LAMA2: variants seen among roughly 807,000 people sequenced by gnomAD.
LAMA2 encodes laminin subunit alpha-2.
Under a neutral mutation model 364.8 loss-of-function variants are expected in LAMA2, and 269 were observed. The observed-to-expected ratio is 0.74, with a 90% confidence interval of 0.67 to 0.82. LAMA2 has a LOEUF of 0.82. Among genes scored for constraint, LAMA2 ranks in the 40% least tolerant of loss-of-function variants. The pLI is 0.00. For synonymous variants in LAMA2, 1,379 were observed against 1,370.6 expected, an observed-to-expected ratio of 1.01 and a Z score of -0.14; for missense variants, 3,807 against 3,873.2, an observed-to-expected ratio of 0.98 and a Z score of 0.45.
intron 3 of LAMA2, among the ~76,000 whole-genome samples, chr6:129,068,033 A>C (rs1478565777): frequency 6.6e-6 from 1 of 152,080 alleles, no homozygotes; most frequent in Non-Finnish European, 1.5e-5. Context: ...TCTAAATGCA[A>C]TTTTTTTGTG....
chr6:129,372,108 A>G (rs1361978867), intron 34 of LAMA2, among the ~76,000 whole-genome samples: 1 of 152,152 alleles, frequency 6.6e-6, no homozygotes, highest in African/African-American at 2.4e-5. Flanking sequence ...CCCCACCAGA[A>G]TGGTACATTT....
chr6:129,261,824 A>C (rs1319890135), intron 15 of LAMA2, among the ~76,000 whole-genome samples: 2 of 152,160 alleles, frequency 1.3e-5, no homozygotes, highest in Non-Finnish European at 2.9e-5. Context: ...AAAACTAGAT[A>C]TAACTTATAG....
intron 30 of LAMA2, 150 bp downstream of exon 30, chr6:129,342,617 G>C: frequency 2.8e-6 from 2 of 707,612 alleles, no homozygotes; most frequent in Admixed American, 3.0e-5. Flanking sequence ...CATGACAAAA[G>C]TGAGTATATA....
chr6:129,371,037 G>T (rs1378115319), intron 34 of LAMA2, among the ~76,000 whole-genome samples: 1 of 152,056 alleles, frequency 6.6e-6, no homozygotes, highest in Admixed American at 6.5e-5. Flanking sequence ...AATGTATGTA[G>T]ACATTAGATT....
In LAMA2 at chr6:129,240,001, T is replaced by C. The variant is rs535876089; in HGVS notation, c.1783-10111T>C. Among the ~76,000 whole-genome samples, 4 of 152,202 alleles carry C rather than the reference T, an allele frequency of 2.6e-5. No individual in the cohort carries two copies. In the South Asian group the frequency reaches 8.3e-4, roughly 32 times the overall value. On this transcript the variant is annotated intron_variant, in intron 12 of 64. Transcript: ENST00000421865. ...AGTTCGATTCCCAGAACCTCAAAATTAGGGAAGCCAGCGGTGCAGCCTTCA... is the reference window on the plus strand; with the variant it reads ...AGTTCGATTCCCAGAACCTCAAAATCAGGGAAGCCAGCGGTGCAGCCTTCA...
intron 17 of LAMA2, among the ~76,000 whole-genome samples, chr6:129,271,423 C>A (rs1313056570): frequency 6.6e-6 from 1 of 151,492 alleles, no homozygotes; most frequent in East Asian, 1.9e-4. Context: ...CAGCTAAGCA[C>A]ACCCCAACCA....
Position 129,354,499 on chromosome 6 carries a change from T to C in LAMA2, c.4717+1142T>C, listed in dbSNP as rs79547698. Among the ~76,000 whole-genome samples, 1,459 of 152,240 alleles carry C rather than the reference T, an allele frequency of 9.6e-3. 78 individuals carry two copies. The highest frequency in any genetic ancestry group is 0.075 in the Admixed American group (1,148 of 15,286). On this transcript the variant is annotated intron_variant, in intron 32 of 64. Coordinates refer to ENST00000421865, the MANE Select transcript of LAMA2 (RefSeq NM_000426.4). ...TCCCAAGTATAATGATATATTTTAA[T>C]GATAATTAAAGAAGTAGACTATCAA... is the stretch of plus-strand genomic sequence containing the variant.
chr6:129,492,107 A>AT, intron 57 of LAMA2, 30 bp downstream of exon 57: 2 of 1,589,254 alleles, frequency 1.3e-6, no homozygotes, highest in Non-Finnish European at 1.7e-6. Flanking sequence ...ACTACTACTA[A>AT]TTTTTTATTT....
chr6:128,950,240 A>T (rs567294961), intron 1 of LAMA2, among the ~76,000 whole-genome samples: 2 of 152,244 alleles, frequency 1.3e-5, no homozygotes, highest in South Asian at 4.1e-4. Context: ...CAGAGAAAAG[A>T]GTGTGTGCAA....
At chr6:129,097,454 ACT>A (rs2114871626) in intron 3 of LAMA2, among the ~76,000 whole-genome samples, 1 of 152,056 alleles carries the variant, frequency 6.6e-6, no homozygotes, top group East Asian at 1.9e-4. Context: ...CTCCATTGTC[ACT>A]CTGTTAACAG....
intron 12 of LAMA2, among the ~76,000 whole-genome samples, chr6:129,219,745 C>T (rs1488618523): frequency 8.2e-6 from 1 of 122,106 alleles, no homozygotes; most frequent in Non-Finnish European, 1.6e-5. Context: ...ACAAACACCA[C>T]ATGTTCTCAC....
intron 17 of LAMA2, among the ~76,000 whole-genome samples, chr6:129,272,945 A>ATTT (rs1405488244): frequency 2.6e-5 from 4 of 152,148 alleles, no homozygotes; most frequent in Non-Finnish European, 5.9e-5. Flanking sequence ...CAACAAAAGA[A>ATTT]GTACCTGGTG....
intron 1 of LAMA2, among the ~76,000 whole-genome samples, chr6:129,020,998 C>G (rs1785417744): frequency 6.6e-6 from 1 of 152,330 alleles, no homozygotes; most frequent in East Asian, 1.9e-4. Flanking sequence ...GATTATGTCT[C>G]TTAATATAAT....
intron 1 of LAMA2, among the ~76,000 whole-genome samples, chr6:128,993,829 T>C (rs1027997400): frequency 1.1e-4 from 16 of 152,132 alleles, no homozygotes; most frequent in Non-Finnish European, 2.4e-4. Flanking sequence ...AGAAGAAAAA[T>C]TAATAGGGTT....
chr6:129,026,302 T>C lies in LAMA2; in HGVS notation c.113-23616T>C, dbSNP rs867920007. 7.9e-5 allele frequency among the ~76,000 whole-genome samples: 12 copies of C among 152,320 alleles called. No individual in the cohort carries two copies. The South Asian group carries it at 1.9e-3, about 24-fold the overall frequency. On this transcript the variant is annotated intron_variant, in intron 1 of 64. Coordinates refer to ENST00000421865, the MANE Select transcript of LAMA2 (RefSeq NM_000426.4). ...ATCAGCTAAATTTGTAGAATATTGATTTCTGTATTAAATTATGTAACATTT... is the reference window on the plus strand; with the variant it reads ...ATCAGCTAAATTTGTAGAATATTGACTTCTGTATTAAATTATGTAACATTT...
chr6:129,092,362 G>T (rs1774896813), intron 3 of LAMA2, among the ~76,000 whole-genome samples: 1 of 152,110 alleles, frequency 6.6e-6, no homozygotes. Flanking sequence ...ATTCCAATGG[G>T]TATTAAGCTT....
intron 1 of LAMA2, 125 bp from the exon 2 acceptor site, chr6:129,049,793 T>A: frequency 2.6e-6 from 2 of 771,512 alleles, no homozygotes; most frequent in Non-Finnish European, 4.6e-6. Context: ...GTATTTATCA[T>A]TAATTATCTC....
intron 55 of LAMA2, among the ~76,000 whole-genome samples, chr6:129,484,274 C>G (rs945242999): frequency 6.6e-6 from 1 of 152,108 alleles, no homozygotes; most frequent in African/African-American, 2.4e-5. Context: ...TTAGAAAGAA[C>G]AGTATTGGAA....
intron 41 of LAMA2, among the ~76,000 whole-genome samples, chr6:129,433,554 T>C (rs1781700437): frequency 6.6e-6 from 1 of 152,180 alleles, no homozygotes; most frequent in Non-Finnish European, 1.5e-5. Flanking sequence ...TTTCAGGGCA[T>C]TTATTTGTGC....
Sources: gnomAD v4.1 joint callset for allele counts (sites outside exome capture counted in the v4.1 genomes callset) on GRCh38, gnomAD v4.1.1 for gene constraint, MANE v1.5 for transcripts, NCBI Gene and HGNC (gene_info 2026-07-23, HGNC 2026-07-21) for gene names.